GABRA2: variants seen among roughly 807,000 people sequenced by gnomAD.
GABRA2 encodes gamma-aminobutyric acid type A receptor subunit alpha2, also known as gamma-aminobutyric acid receptor subunit alpha-2.
In GABRA2, 16 loss-of-function variants were observed where a neutral mutation model predicts 48.7. That is an observed-to-expected ratio of 0.33 (90% confidence interval 0.22 to 0.50). The LOEUF (loss-of-function observed/expected upper bound fraction) is 0.50, where lower values mean the gene tolerates loss of function less well. GABRA2 is among the 20% of genes least tolerant of loss of function. The probability of loss-of-function intolerance (pLI) is 0.98; values close to 1 mark genes in which losing one functional copy is unlikely to be tolerated. For synonymous variants in GABRA2, 185 were observed against 184.5 expected (o/e 1.00, Z -0.02); for missense variants, 275 against 535.6 (o/e 0.51, Z 4.80).
At chr4:46,381,168 C>T (rs886824941) in intron 3 of GABRA2, among the ~76,000 whole-genome samples, 3 of 152,148 alleles carry the variant, frequency 2.0e-5, no homozygotes, top group East Asian at 1.9e-4. Flanking sequence ...TACTCTTGAT[C>T]ATGTGGATGC....
chr4:46,285,864 A>G (rs144365288), intron 8 of GABRA2, among the ~76,000 whole-genome samples: 1 of 152,106 alleles, frequency 6.6e-6, no homozygotes, highest in Non-Finnish European at 1.5e-5. Context: ...TTTTCAGTAG[A>G]TATTTGAGAA....
intron 8 of GABRA2, among the ~76,000 whole-genome samples, chr4:46,293,244 T>G (rs1029714233): frequency 6.6e-6 from 1 of 152,148 alleles, no homozygotes; most frequent in African/African-American, 2.4e-5. Flanking sequence ...TCAATCAGTT[T>G]CCAGACTTAA....
chr4:46,306,810 A>G (rs1218467814), intron 6 of GABRA2, among the ~76,000 whole-genome samples: 4 of 152,148 alleles, frequency 2.6e-5, no homozygotes, highest in Non-Finnish European at 5.9e-5. Context: ...TAATAGCACC[A>G]TACTGTGGTG....
At chr4:46,330,587 T>TAGAGAGAGAG (rs1425282470) in intron 4 of GABRA2, among the ~76,000 whole-genome samples, 225 of 123,494 alleles carry the variant, frequency 1.8e-3, no homozygotes, top group African/African-American at 5.9e-3. Context: ...TATATATATA[T>TAGAGAGAGAG]ATATAGAGAG....
intron 8 of GABRA2, among the ~76,000 whole-genome samples, chr4:46,289,909 T>TTA (rs1237909690): frequency 0.089 from 12,741 of 143,906 alleles, 2,004 homozygotes; most frequent in African/African-American, 0.32. Flanking sequence ...ATTTATTTAT[T>TTA]TTTATTTTTT....
intron 8 of GABRA2, among the ~76,000 whole-genome samples, chr4:46,274,568 T>C (rs1012311687): frequency 1.3e-5 from 2 of 152,038 alleles, no homozygotes; most frequent in Non-Finnish European, 2.9e-5. Flanking sequence ...ACAGCAATGA[T>C]GTGACTTTGC....
chr4:46,277,571 A>T (rs1195481281), intron 8 of GABRA2, among the ~76,000 whole-genome samples: 1 of 151,572 alleles, frequency 6.6e-6, no homozygotes, highest in African/African-American at 2.4e-5. Flanking sequence ...GGCTGCCTCA[A>T]CTCTTTAGCT....
intron 3 of GABRA2, among the ~76,000 whole-genome samples, chr4:46,361,216 G>A (rs528203492): frequency 6.6e-6 from 1 of 152,226 alleles, no homozygotes; most frequent in South Asian, 2.1e-4. Context: ...AGACCTCTGT[G>A]GGAGCCCCTT....
rs1216793367 is a variant in GABRA2 at position 46,356,575 on chromosome 4, C to G, written c.188-23893G>C. 2.0e-5 allele frequency among the ~76,000 whole-genome samples: 3 copies of G among 152,118 alleles called. No homozygotes were observed. In the South Asian group the frequency reaches 6.2e-4, roughly 32 times the overall value. On this transcript the variant is annotated intron_variant, in intron 3 of 9. Transcript: ENST00000381620. ...GTATGCCTTTGAGAAACCTAGACTTCGCATATAAAAATCACTTCTGAGATT... is the reference window on the plus strand; with the variant it reads ...GTATGCCTTTGAGAAACCTAGACTTGGCATATAAAAATCACTTCTGAGATT...
chr4:46,354,832 C>T (rs564633199), intron 3 of GABRA2, among the ~76,000 whole-genome samples: 5 of 152,252 alleles, frequency 3.3e-5, no homozygotes, highest in East Asian at 3.9e-4. Flanking sequence ...GTGGTGCCAG[C>T]GTATCCGCTT....
At chr4:46,374,025 C>T (rs1715323371) in intron 3 of GABRA2, among the ~76,000 whole-genome samples, 1 of 152,048 alleles carries the variant, frequency 6.6e-6, no homozygotes, top group Admixed American at 6.6e-5. Context: ...CATTTTAGCC[C>T]ACTATTTTTT....
chr4:46,294,551 G>A (rs2109560180), intron 8 of GABRA2, among the ~76,000 whole-genome samples: 1 of 152,300 alleles, frequency 6.6e-6, no homozygotes, highest in Non-Finnish European at 1.5e-5. Flanking sequence ...AGAAGGGTCT[G>A]CAACAGGTCC....
At chr4:46,274,953 C>A (rs1720193797) in intron 8 of GABRA2, among the ~76,000 whole-genome samples, 1 of 151,952 alleles carries the variant, frequency 6.6e-6, no homozygotes, top group Admixed American at 6.6e-5. Context: ...TAAGAAAAAT[C>A]AAAAGACACT....
At chr4:46,253,243 C>T (rs1715159803) in intron 9 of GABRA2, among the ~76,000 whole-genome samples, 1 of 151,352 alleles carries the variant, frequency 6.6e-6, no homozygotes, top group Non-Finnish European at 1.5e-5. Context: ...TCTTGCCCCT[C>T]ACTTGAATAC....
intron 2 of GABRA2, chr4:46,386,656 C>T (rs1717500749): frequency 6.5e-6 from 1 of 153,968 alleles, no homozygotes; most frequent in South Asian, 2.0e-4. Flanking sequence ...TCATAAGTGT[C>T]TTTCTTTTTC....
At chr4:46,335,646 T>C (rs1245293059) in intron 3 of GABRA2, among the ~76,000 whole-genome samples, 2 of 152,100 alleles carry the variant, frequency 1.3e-5, no homozygotes, top group East Asian at 1.9e-4. Context: ...AGTTTTTGTA[T>C]TCTTAGTAGA....
In GABRA2 at chr4:46,388,518, AC is replaced by A; in HGVS notation, c.71+117del. On this transcript the variant is annotated intron_variant, in intron 2 of 9. Coordinates refer to ENST00000381620, the MANE Select transcript of GABRA2 (RefSeq NM_000807.4). ...ACTTCATAGTTCACTTTCCCCATAC[AC>A]CCCCTTTTCTGAGAAATAATTCTTT... 2.5e-6 allele frequency: 3 copies of A among 1,202,598 alleles called. No individual in the cohort carries two copies. In the East Asian group the frequency reaches 7.0e-5, roughly 28 times the overall value. The allele number at this position is 1,202,598 out of a possible 1,614,324, so 74.5% of individuals were successfully genotyped here. A position where few individuals can be genotyped will look rare whatever the true frequency, so the allele number is the denominator to read the frequency against.
intron 7 of GABRA2, among the ~76,000 whole-genome samples, chr4:46,304,070 G>C (rs1726216589): frequency 6.6e-6 from 1 of 152,010 alleles, no homozygotes; most frequent in Non-Finnish European, 1.5e-5. Flanking sequence ...TCAAATTAGA[G>C]ATGTTCAATT....
intron 3 of GABRA2, among the ~76,000 whole-genome samples, chr4:46,335,889 G>T (rs1386305447): frequency 6.6e-6 from 1 of 152,092 alleles, no homozygotes; most frequent in African/African-American, 2.4e-5. Flanking sequence ...CAGTTTAAAT[G>T]GTCTCTCTTC....
Sources: allele counts gnomAD v4.1 joint callset (sites outside exome capture counted in the v4.1 genomes callset), GRCh38; gene constraint gnomAD v4.1.1; transcripts MANE v1.5; gene names NCBI Gene and HGNC (gene_info 2026-07-23, HGNC 2026-07-21).